Variants in ROBO2 observed in about 807,000 individuals in gnomAD.
The protein encoded by ROBO2 is roundabout guidance receptor 2.
ROBO2 carries 53 observed loss-of-function variants against 160.8 expected under a neutral mutation model. The observed-to-expected ratio is 0.33, with a 90% CI of 0.26 to 0.41. ROBO2 has a LOEUF of 0.41. Among genes scored for constraint, ROBO2 ranks in the 10% least tolerant of loss-of-function variants. The pLI, the probability that ROBO2 is intolerant of heterozygous loss-of-function variation, is 1.00. For missense variants in ROBO2, 1,577 were observed against 1,722.4 expected (o/e 0.92, Z 1.49); for synonymous variants, 664 against 611.7 (o/e 1.09, Z -1.26).
At chr3:76,487,515 G>T (rs2079563215) in intron 2 of ROBO2, among the ~76,000 whole-genome samples, 1 of 152,146 alleles carries the variant, frequency 6.6e-6, no homozygotes. Context: ...CTCAAATGGA[G>T]CTTCTGTTTA....
intron 5 of ROBO2, among the ~76,000 whole-genome samples, chr3:77,502,090 A>C (rs1464264435): frequency 2.0e-5 from 3 of 152,198 alleles, no homozygotes; most frequent in Non-Finnish European, 4.4e-5. Context: ...TAATATAAAT[A>C]TCAAAACTGA....
At chr3:76,340,753 A>G (rs952078827) in intron 2 of ROBO2, among the ~76,000 whole-genome samples, 10 of 152,146 alleles carry the variant, frequency 6.6e-5, no homozygotes, top group Non-Finnish European at 1.0e-4. Flanking sequence ...TAAGATGTCA[A>G]TGCTGCAAAT....
chr3:76,701,068 A>G (rs2107452664), intron 2 of ROBO2, among the ~76,000 whole-genome samples: 1 of 152,226 alleles, frequency 6.6e-6, no homozygotes, highest in East Asian at 1.9e-4. Context: ...CAAGTGATCT[A>G]GTTCAATGAA....
intron 2 of ROBO2, among the ~76,000 whole-genome samples, chr3:75,952,830 T>G (rs949380635): frequency 5.3e-5 from 8 of 151,970 alleles, no homozygotes; most frequent in African/African-American, 1.9e-4. Flanking sequence ...TAATAGCCAC[T>G]GATCTTTTTA....
chr3:77,195,917 G>A (rs895999437), intron 2 of ROBO2, among the ~76,000 whole-genome samples: 1 of 152,148 alleles, frequency 6.6e-6, no homozygotes, highest in African/African-American at 2.4e-5. Context: ...CCACCAATTG[G>A]CAGGCCCATT....
At chr3:77,618,379 T>A (rs1050306873) in intron 22 of ROBO2, among the ~76,000 whole-genome samples, 5 of 152,200 alleles carry the variant, frequency 3.3e-5, no homozygotes, top group Non-Finnish European at 7.4e-5. Flanking sequence ...TTCTAATCTA[T>A]AAACTTTTGT....
At chr3:77,370,563 T>A (rs775609792) in intron 2 of ROBO2, among the ~76,000 whole-genome samples, 3 of 152,208 alleles carry the variant, frequency 2.0e-5, no homozygotes, top group Non-Finnish European at 4.4e-5. Context: ...TGATTCCAAT[T>A]TAGATCCTGT....
intron 2 of ROBO2, among the ~76,000 whole-genome samples, chr3:75,994,157 G>A (rs1422002060): frequency 6.6e-6 from 1 of 152,098 alleles, no homozygotes; most frequent in Non-Finnish European, 1.5e-5. Flanking sequence ...TAACTTTAGG[G>A]GGTCCACACC....
intron 2 of ROBO2, among the ~76,000 whole-genome samples, chr3:76,185,945 T>TA: frequency 6.6e-6 from 1 of 151,278 alleles, no homozygotes. Context: ...GATTTTTTTT[T>TA]TTTTTTGAGA....
intron 2 of ROBO2, among the ~76,000 whole-genome samples, chr3:76,688,505 A>C (rs934238217): frequency 6.6e-6 from 1 of 151,848 alleles, no homozygotes; most frequent in African/African-American, 2.4e-5. Flanking sequence ...TTGAATATTT[A>C]GTAACTAAAC....
intron 2 of ROBO2, among the ~76,000 whole-genome samples, chr3:77,311,106 A>T (rs553414907): frequency 2.2e-3 from 331 of 152,312 alleles, no homozygotes; most frequent in Non-Finnish European, 3.7e-3. Flanking sequence ...GCATGGAAAA[A>T]TCAATTTTGG....
intron 2 of ROBO2, among the ~76,000 whole-genome samples, chr3:76,622,257 A>AGAAAGAAAGAAGGAAGGAAG (rs1560252521): frequency 1.6e-5 from 1 of 62,136 alleles, no homozygotes; most frequent in Admixed American, 1.6e-4. Context: ...AAAGAAAGAA[A>AGAAAGAAAGAAGGAAGGAAG]GAAAGAAAGA....
At chr3:77,400,125 T>C (rs1560728075) in intron 2 of ROBO2, among the ~76,000 whole-genome samples, 1 of 152,200 alleles carries the variant, frequency 6.6e-6, no homozygotes. Context: ...CTTAGAATTG[T>C]CACTGATTAA....
intron 2 of ROBO2, among the ~76,000 whole-genome samples, chr3:76,324,935 T>C (rs2072882267): frequency 6.6e-6 from 1 of 152,130 alleles, no homozygotes; most frequent in African/African-American, 2.4e-5. Flanking sequence ...TGAAACCCCG[T>C]CTCTAATAAA....
intron 2 of ROBO2, among the ~76,000 whole-genome samples, chr3:76,463,233 A>T (rs185304661): frequency 4.6e-5 from 7 of 152,200 alleles, no homozygotes; most frequent in Admixed American, 4.6e-4. Flanking sequence ...CCACTCACAC[A>T]TGCTTTCATC....
intron 2 of ROBO2, among the ~76,000 whole-genome samples, chr3:77,189,333 A>C (rs966485109): frequency 6.6e-6 from 1 of 151,910 alleles, no homozygotes; most frequent in Non-Finnish European, 1.5e-5. Context: ...CTGAGACAAG[A>C]ACACTGAAGA....
intron 2 of ROBO2, among the ~76,000 whole-genome samples, chr3:76,870,930 T>C (rs372298952): frequency 2.8e-4 from 42 of 152,320 alleles, no homozygotes; most frequent in African/African-American, 9.4e-4. Context: ...AAGGGAATTT[T>C]GCAGAGTAGA....
At chr3:76,239,262 T>A (rs1349137563) in intron 2 of ROBO2, among the ~76,000 whole-genome samples, 2 of 152,106 alleles carry the variant, frequency 1.3e-5, no homozygotes, top group Admixed American at 1.3e-4. Context: ...CTAATTCCAA[T>A]GGATACTACT....
At chr3:77,290,647 C>A (rs1453099588) in intron 2 of ROBO2, among the ~76,000 whole-genome samples, 1 of 15,334 alleles carries the variant, frequency 6.5e-5, no homozygotes, top group African/African-American at 8.8e-5. Context: ...CTAGATCACC[C>A]AAGACACAAA....
Sources: allele counts gnomAD v4.1 joint callset (sites outside exome capture counted in the v4.1 genomes callset), GRCh38; gene constraint gnomAD v4.1.1; transcripts MANE v1.5; gene names NCBI Gene and HGNC (gene_info 2026-07-23, HGNC 2026-07-21).